The following TRIM41 variants were observed in gnomAD, a reference collection of about 807,000 sequenced individuals.
The protein encoded by TRIM41 is tripartite motif containing 41, also known as E3 ubiquitin-protein ligase TRIM41.
TRIM41 carries 21 observed loss-of-function variants against 60.6 expected under a neutral mutation model. The ratio of observed to expected loss-of-function variants is 0.35; its 90% CI spans 0.25 to 0.50. TRIM41 has a LOEUF of 0.50. Among genes scored for constraint, TRIM41 ranks in the 20% least tolerant of loss-of-function variants. The probability of loss-of-function intolerance (pLI) is 0.98; values close to 1 mark genes in which losing one functional copy is unlikely to be tolerated. For missense variants in TRIM41, 846 were observed against 868.3 expected (o/e 0.97, Z 0.32); for synonymous variants, 407 against 344.9 (o/e 1.18, Z -2.00).
At position 181,232,879 on chromosome 5, in the gene TRIM41, G is replaced by A. The variant is rs1278723934; in HGVS notation, c.1130G>A (p.Arg377Gln). 5.2e-6 allele frequency: 8 copies of A among 1,540,054 alleles called. No individual in the cohort carries two copies. Among genetic ancestry groups the A allele is most frequent in the African/African-American group, 1.4e-5 (1 of 73,072 alleles). Residue 377 changes from arginine to glutamine, a missense_variant, in exon 3 of 6, where the codon CGG becomes CAG. By Grantham distance (43) the Arg-to-Gln change is conservative (BLOSUM62 1). Coordinates refer to ENST00000315073, the MANE Select transcript of TRIM41 (RefSeq NM_033549.5). ...AQERSQQGGLRLLQDIKETFN... is the reference protein window; with the variant it reads ...AQERSQQGGLQLLQDIKETFN... The stretch of plus-strand genomic sequence containing the variant: ...GAGCGGAGCCAGCAGGGGGGTCTCC[G>A]GCTGCTCCAGGTGAGCAATGTCCCC...
rs1354104472 is a variant in TRIM41 at position 181,234,979 on chromosome 5, CTA to C, written c.*206_*207del. 5.6e-6 allele frequency: 9 copies of C among 1,614,036 alleles called. No homozygotes were observed. Among genetic ancestry groups the C allele is most frequent in the East Asian group, 2.2e-5 (1 of 44,894 alleles). ...CTCCAGCTCAGCCTTCTCTCACCTA[CTA>C]TGTCTGTCCAACAGGTCTGCATGGG... On this transcript the variant is annotated 3_prime_UTR_variant, in exon 6 of 6. Transcript: ENST00000315073. This position sits in a 1 kb window ranked among gnomAD's most constrained non-coding sequence, Gnocchi z 5.6.
rs1413433950 is a variant in TRIM41, at chr5:181,235,429, T to C, written c.*654T>C. The C allele has an allele frequency of 6.2e-7, 1 of 1,613,590 alleles. No homozygotes were observed. Among genetic ancestry groups the C allele is most frequent in the Non-Finnish European group, 8.5e-7 (1 of 1,179,576 alleles). On this transcript the variant is annotated 3_prime_UTR_variant, in exon 6 of 6. Transcript: ENST00000315073. The stretch of plus-strand genomic sequence containing the variant: ...ATTGAAACCACGCACCATTACATCA[T>C]CATTACATTAATTACATCAACATAA...
rs1328834124 is a variant in TRIM41 at position 181,234,244 on chromosome 5, C to T, written c.1362C>T (p.Arg454=). The change falls in exon 6 of 6, where the codon CGC becomes CGT. Residue 454 remains arginine (R), a synonymous_variant. Coordinates refer to ENST00000315073, the MANE Select transcript of TRIM41 (RefSeq NM_033549.5). The surrounding 1 kb of genome is among the most constrained non-coding windows in gnomAD (Gnocchi z 5.6). ...TGTCCCCTGACCGCCGGGGGGTCCG[C>T]CTGGCAGAGCGGCGGCAGGAGGTTG... ...LMLSPDRRGV[R]LAERRQEVAD... is the part of the protein sequence containing the mutation. The T allele has an allele frequency of 6.2e-7, 1 of 1,613,340 alleles. No homozygotes were observed. The highest frequency in any genetic ancestry group is 1.7e-5 in the Admixed American group (1 of 60,008).
rs546024321 is a variant in TRIM41 at position 181,233,054 on chromosome 5, C to T, written c.1140+165C>T. The T allele has an allele frequency of 6.1e-5, 48 of 785,366 alleles. No homozygotes were observed. In the South Asian group the frequency reaches 6.6e-4, roughly 11 times the overall value. The allele number at this position is 785,366 out of a possible 1,614,324, so 48.6% of individuals were successfully genotyped here. A position where few individuals can be genotyped will look rare whatever the true frequency, so the allele number is the denominator to read the frequency against. On this transcript the variant is annotated intron_variant, in intron 3 of 5. Transcript: ENST00000315073. The surrounding 1 kb of genome is among the most constrained non-coding windows in gnomAD (Gnocchi z 4.1). ...TTAAAGCTGGAAACAGAGTTAATGTCGAATGTGGTATGTGTGGCGATTATA... is the reference window on the plus strand; with the variant it reads ...TTAAAGCTGGAAACAGAGTTAATGTTGAATGTGGTATGTGTGGCGATTATA...
Position 181,233,592 on chromosome 5 carries a change from G to A in TRIM41, c.1164-44G>A. 1 of 1,611,686 alleles carries A rather than the reference G, an allele frequency of 6.2e-7. No homozygotes were observed. Among genetic ancestry groups the A allele is most frequent in the Non-Finnish European group, 8.5e-7 (1 of 1,178,286 alleles). ...CCCCTCAGCTTTTGCTTTTCCCTCT[G>A]GGAATATCGTGGTCCCACCCCCTGC... On this transcript the variant is annotated intron_variant, in intron 4 of 5. Coordinates refer to ENST00000315073, the MANE Select transcript of TRIM41 (RefSeq NM_033549.5). This position sits in a 1 kb window ranked among gnomAD's most constrained non-coding sequence, Gnocchi z 4.1.
chr5:181,235,225 G>C lies in TRIM41; in HGVS notation c.*450G>C, dbSNP rs183471494. ...ATTCCATTTTCTGATGCAGATTTTA[G>C]CTGAGGGATTTGGAAGCCATTTGGG... On this transcript the variant is annotated 3_prime_UTR_variant, in exon 6 of 6. Coordinates refer to ENST00000315073, the MANE Select transcript of TRIM41 (RefSeq NM_033549.5). 19 of 1,578,944 alleles carry C rather than the reference G, an allele frequency of 1.2e-5. No individual in the cohort carries two copies. Among genetic ancestry groups the C allele is most frequent in the Non-Finnish European group, 1.5e-5 (17 of 1,159,672 alleles).
rs1268004179 is a variant in TRIM41 at position 181,223,722 on chromosome 5, A to G, written c.-278A>G. 8 of 576,248 alleles carry G rather than the reference A, an allele frequency of 1.4e-5. No individual in the cohort carries two copies. The highest frequency in any genetic ancestry group is 2.2e-5 in the Non-Finnish European group (7 of 324,434). The allele number at this position is 576,248 out of a possible 1,614,324, so 35.7% of individuals were successfully genotyped here. On this transcript the variant is annotated 5_prime_UTR_variant, in exon 1 of 6. Transcript: ENST00000315073. ...GGGGCGGGGGTTTATGAGGAGTCCA[A>G]GGGAGCATTGGGGCAGACTTGTACT...
At chr5:181,232,271 A>T in intron 2 of TRIM41, 1 of 210,284 alleles carries the variant, frequency 4.8e-6, no homozygotes, top group Non-Finnish European at 9.5e-6. Context: ...GTTAACAGTT[A>T]CGTCATTTAA....
At chr5:181,231,820 C>T (rs1758814885) in intron 2 of TRIM41, 1 of 152,258 alleles carries the variant, frequency 6.6e-6, no homozygotes, top group African/African-American at 2.4e-5. Flanking sequence ...CTCCTCTGGC[C>T]TGCTGCTCAC....
intron 2 of TRIM41, 103 bp downstream of exon 2, chr5:181,230,942 A>AC: frequency 9.8e-7 from 1 of 1,021,202 alleles, no homozygotes; most frequent in Non-Finnish European, 1.5e-6. Context: ...TGAGGAGGGG[A>AC]CAGCTAAGGC....
rs1759025373 is a variant in TRIM41 at position 181,234,981 on chromosome 5, ATGTC to A, written c.*211_*214del. The A allele has an allele frequency of 6.2e-7, 1 of 1,613,882 alleles. No individual in the cohort carries two copies. The highest frequency in any genetic ancestry group is 8.5e-7 in the Non-Finnish European group (1 of 1,179,962). On this transcript the variant is annotated 3_prime_UTR_variant, in exon 6 of 6. Coordinates refer to ENST00000315073, the MANE Select transcript of TRIM41 (RefSeq NM_033549.5). This position sits in a 1 kb window ranked among gnomAD's most constrained non-coding sequence, Gnocchi z 5.6. Reference sequence around the variant, plus strand: ...CCAGCTCAGCCTTCTCTCACCTACTATGTCTGTCCAACAGGTCTGCATGGGTCCC... The same window carrying A: ...CCAGCTCAGCCTTCTCTCACCTACTATGTCCAACAGGTCTGCATGGGTCCC...
At position 181,234,868 on chromosome 5, in the gene TRIM41, C is replaced by T. The variant is rs776395659; in HGVS notation, c.*93C>T. ...AGTTTGAGGGCTCAAAGGCTCTTCC[C>T]ACTGCTTGTTACTGTGTTGCTTCCC... On this transcript the variant is annotated 3_prime_UTR_variant, in exon 6 of 6. Coordinates refer to ENST00000315073, the MANE Select transcript of TRIM41 (RefSeq NM_033549.5). The surrounding 1 kb of genome is among the most constrained non-coding windows in gnomAD (Gnocchi z 5.6). 7.4e-6 allele frequency: 12 copies of T among 1,611,100 alleles called. No homozygotes were observed. Among genetic ancestry groups the T allele is most frequent in the Non-Finnish European group, 1.0e-5 (12 of 1,179,530 alleles).
Position 181,233,923 on chromosome 5 carries a change from A to AC in TRIM41, c.1291+162dup, listed in dbSNP as rs1289800960. ...GAGGTTTCAAGCCATGAGCAGGTAG[A>AC]CCTAGTGCAGGCAGGCCTGGAGGGT... On this transcript the variant is annotated intron_variant, in intron 5 of 5. Coordinates refer to ENST00000315073, the MANE Select transcript of TRIM41 (RefSeq NM_033549.5). This position sits in a 1 kb window ranked among gnomAD's most constrained non-coding sequence, Gnocchi z 4.1. 3.1e-6 allele frequency: 4 copies of AC among 1,292,942 alleles called. No homozygotes were observed. Among genetic ancestry groups the AC allele is most frequent in the Non-Finnish European group, 4.3e-6 (4 of 927,224 alleles). The allele number at this position is 1,292,942 out of a possible 1,614,324, so 80.1% of individuals were successfully genotyped here.
Position 181,224,229 on chromosome 5 carries a change from G to A in TRIM41, c.230G>A (p.Gly77Glu), listed in dbSNP as rs760729612. 6.2e-7 allele frequency: 1 copy of A among 1,613,466 alleles called. No individual in the cohort carries two copies. Among genetic ancestry groups the A allele is most frequent in the Non-Finnish European group, 8.5e-7 (1 of 1,179,786 alleles). Reference sequence around the variant, plus strand: ...GAGGAGGAGGAAGTGGAGGCTGTGGGGGCTGGCGCGGGGTGGGACACCCCC... The same window carrying A: ...GAGGAGGAGGAAGTGGAGGCTGTGGAGGCTGGCGCGGGGTGGGACACCCCC... ...DGEEEEVEAVGAGAGWDTPMR... is the reference protein window; with the variant it reads ...DGEEEEVEAVEAGAGWDTPMR... Residue 77 changes from glycine (G) to glutamate (E), a missense_variant, in exon 1 of 6, where the codon GGG (glycine) becomes GAG (glutamate). Physicochemically the swap from Gly to Glu is moderately conservative, Grantham distance 98. Coordinates refer to ENST00000315073, the MANE Select transcript of TRIM41 (RefSeq NM_033549.5).
Position 181,233,023 on chromosome 5 carries a change from CAT to C in TRIM41, c.1140+135_1140+136del, listed in dbSNP as rs1367878827. 1.1e-5 allele frequency: 10 copies of C among 912,808 alleles called. No individual in the cohort carries two copies. Among genetic ancestry groups the C allele is most frequent in the East Asian group, 2.6e-5 (1 of 38,190 alleles). The allele number at this position is 912,808 out of a possible 1,614,324, so 56.5% of individuals were successfully genotyped here. A position where few individuals can be genotyped will look rare whatever the true frequency, so the allele number is the denominator to read the frequency against. ...AGTGATTGAACCTGAAGACCAAAAA[CAT>C]GTTTTAAAGCTGGAAACAGAGTTAA... On this transcript the variant is annotated intron_variant, in intron 3 of 5. Coordinates refer to ENST00000315073, the MANE Select transcript of TRIM41 (RefSeq NM_033549.5). The surrounding 1 kb of genome is among the most constrained non-coding windows in gnomAD (Gnocchi z 4.1).
In TRIM41 at chr5:181,234,228, A is replaced by G. The variant is rs749339035; in HGVS notation, c.1346A>G (p.Asp449Gly). ...CACCCGGCCCTGATGCTGTCCCCTG[A>G]CCGCCGGGGGGTCCGCCTGGCAGAG... Reference protein sequence around the residue: ...TAHPALMLSPDRRGVRLAERR... With the variant: ...TAHPALMLSPGRRGVRLAERR... Residue 449 changes from aspartate (D) to glycine (G), a missense_variant, in exon 6 of 6, where the codon GAC (aspartate) becomes GGC (glycine). Physicochemically the swap from Asp to Gly is moderately conservative, Grantham distance 94. Transcript: ENST00000315073. The surrounding 1 kb of genome is among the most constrained non-coding windows in gnomAD (Gnocchi z 5.6). The G allele has an allele frequency of 5.8e-5, 94 of 1,613,200 alleles. No homozygotes were observed. Among genetic ancestry groups the G allele is most frequent in the Non-Finnish European group, 7.8e-5 (92 of 1,179,948 alleles).
In TRIM41 at chr5:181,233,679, G is replaced by A. The variant is rs1053567170; in HGVS notation, c.1207G>A (p.Asp403Asn). Residue 403 changes from aspartate to asparagine, a missense_variant, in exon 5 of 6, where the codon GAC becomes AAC. Asp to Asn is a conservative substitution (Grantham distance 23). Coordinates refer to ENST00000315073, the MANE Select transcript of TRIM41 (RefSeq NM_033549.5). This position sits in a 1 kb window ranked among gnomAD's most constrained non-coding sequence, Gnocchi z 4.1. ...QLQPPEVWSP[D>N]PCQPHSHDFL... ...GCAGCCCCCAGAGGTCTGGTCCCCT[G>A]ACCCGTGCCAACCCCATAGCCATGA... 8.7e-6 allele frequency: 14 copies of A among 1,614,076 alleles called. No homozygotes were observed. In the African/African-American group the frequency reaches 1.7e-4, roughly 20 times the overall value.
Position 181,235,681 on chromosome 5 carries a change from A to C in TRIM41, c.*906A>C. ...AGGAGGAGAGCCTTGGGTATAATCT[A>C]TTTTTCTAGGAGCCTCTTGCCTTGT... On this transcript the variant is annotated 3_prime_UTR_variant, in exon 6 of 6. Transcript: ENST00000315073. 2.5e-6 allele frequency: 1 copy of C among 394,356 alleles called. No homozygotes were observed. The highest frequency in any genetic ancestry group is 4.7e-6 in the Non-Finnish European group (1 of 214,476). The allele number at this position is 394,356 out of a possible 1,614,324, so 24.4% of individuals were successfully genotyped here.
chr5:181,228,558 C>CAAAAAAAAGAA, intron 1 of TRIM41: 1 of 50,392 alleles, frequency 2.0e-5, no homozygotes, highest in Admixed American at 2.4e-4. Flanking sequence ...ACTCCCATCT[C>CAAAAAAAAGAA]AAAAAAAAAA....
Sources: gnomAD v4.1 joint callset for allele counts on GRCh38, gnomAD v4.1.1 for gene constraint, Gnocchi (gnomAD v3.1) non-coding constraint, MANE v1.5 for transcripts, NCBI Gene and HGNC (gene_info 2026-07-23, HGNC 2026-07-21) for gene names.